GSK3B: variants seen among roughly 807,000 people sequenced by gnomAD.
The protein encoded by GSK3B is glycogen synthase kinase 3 beta, also known as glycogen synthase kinase-3 beta.
In GSK3B, 15 loss-of-function variants were observed where a neutral mutation model predicts 56.4. That is an observed-to-expected ratio of 0.27 (90% CI 0.18 to 0.41). GSK3B has a LOEUF of 0.41. Among genes scored for constraint, GSK3B ranks in the 10% least tolerant of loss-of-function variants. The pLI, the probability that GSK3B is intolerant of heterozygous loss-of-function variation, is 1.00. For missense variants in GSK3B, 300 were observed against 513.4 expected (o/e 0.58, Z 4.02); for synonymous variants, 181 against 188.9 (o/e 0.96, Z 0.34).
intron 6 of GSK3B, among the ~76,000 whole-genome samples, chr3:119,906,258 T>C (rs1022192848): frequency 5.9e-5 from 9 of 152,172 alleles, no homozygotes; most frequent in African/African-American, 2.2e-4. Context: ...GTTCAATCTC[T>C]CCCAGACACT....
chr3:120,092,109 T>C (rs929374149), intron 1 of GSK3B, among the ~76,000 whole-genome samples: 2 of 152,200 alleles, frequency 1.3e-5, no homozygotes, highest in Non-Finnish European at 1.5e-5. Flanking sequence ...AAGGAAACAA[T>C]ATAGATATTT....
At chr3:120,001,155 A>T (rs1339735049) in intron 2 of GSK3B, among the ~76,000 whole-genome samples, 3 of 18,610 alleles carry the variant, frequency 1.6e-4, no homozygotes, top group African/African-American at 7.2e-4. Flanking sequence ...AAGGGGGTCA[A>T]CCACTCATGA....
rs1329115002 is a variant in GSK3B, at chr3:120,094,347, T to C, written c.-913A>G. 7 of 284,892 alleles carry C rather than the reference T, an allele frequency of 2.5e-5. No individual in the cohort carries two copies. In the East Asian group the frequency reaches 4.1e-4, roughly 17 times the overall value. 17.6% of individuals were successfully genotyped at this position (284,892 alleles called of 1,614,324 possible). A position where few individuals can be genotyped will look rare whatever the true frequency, so the allele number is the denominator to read the frequency against. On this transcript the variant is annotated 5_prime_UTR_variant, in exon 1 of 11. Transcript: ENST00000264235. ...CCCTGTCAGCGGCTGCGGGGCCGGC[T>C]CCTCCTCGCTTCCTTCCTTCCTTTG...
intron 1 of GSK3B, among the ~76,000 whole-genome samples, chr3:120,017,382 G>T (rs538823050): frequency 6.6e-6 from 1 of 152,200 alleles, no homozygotes; most frequent in Admixed American, 6.5e-5. Context: ...CCAGATCAGT[G>T]CTCTAAATAT....
At chr3:120,003,774 C>T (rs909904653) in intron 1 of GSK3B, among the ~76,000 whole-genome samples, 6 of 152,186 alleles carry the variant, frequency 3.9e-5, no homozygotes, top group South Asian at 2.1e-4. Flanking sequence ...CATTCATGGT[C>T]GCTTCCAAGA....
In GSK3B at chr3:120,094,355, G is replaced by A; in HGVS notation, c.-921C>T. On this transcript the variant is annotated 5_prime_UTR_variant, in exon 1 of 11. Transcript: ENST00000264235. ...GCGGCTGCGGGGCCGGCTCCTCCTC[G>A]CTTCCTTCCTTCCTTTGTCACTTGG... is the stretch of plus-strand genomic sequence containing the variant. 2 of 296,796 alleles carry A rather than the reference G, an allele frequency of 6.7e-6. No homozygotes were observed. The highest frequency in any genetic ancestry group is 5.0e-5 in the South Asian group (1 of 19,890). The allele number at this position is 296,796 out of a possible 1,614,324, so 18.4% of individuals were successfully genotyped here. A position where few individuals can be genotyped will look rare whatever the true frequency, so the allele number is the denominator to read the frequency against.
chr3:119,934,074 A>G (rs1338002057), intron 3 of GSK3B, among the ~76,000 whole-genome samples: 1 of 152,206 alleles, frequency 6.6e-6, no homozygotes, highest in Non-Finnish European at 1.5e-5. Context: ...CGCAAAATAA[A>G]TTGAAATAAT....
At chr3:119,872,056 G>C (rs1199199640) in intron 8 of GSK3B, among the ~76,000 whole-genome samples, 1 of 152,124 alleles carries the variant, frequency 6.6e-6, no homozygotes, top group East Asian at 1.9e-4. Flanking sequence ...CAAGGTAGCA[G>C]GATCAGGCAC....
chr3:119,977,309 A>G (rs1051391252), intron 2 of GSK3B, among the ~76,000 whole-genome samples: 1 of 152,172 alleles, frequency 6.6e-6, no homozygotes, highest in African/African-American at 2.4e-5. Flanking sequence ...TGCAAGGAAC[A>G]TCATTATCAA....
At chr3:119,914,345 A>G (rs2056762150) in intron 5 of GSK3B, among the ~76,000 whole-genome samples, 1 of 152,120 alleles carries the variant, frequency 6.6e-6, no homozygotes, top group Non-Finnish European at 1.5e-5. Context: ...TATAAAAATG[A>G]GCTATCAAAC....
chr3:119,981,553 GGC>G (rs1246596614), intron 2 of GSK3B, among the ~76,000 whole-genome samples: 2 of 152,274 alleles, frequency 1.3e-5, no homozygotes, highest in Non-Finnish European at 2.9e-5. Flanking sequence ...TCCCGTGCCT[GGC>G]TCGGCGGGTC....
intron 7 of GSK3B, among the ~76,000 whole-genome samples, chr3:119,904,738 G>T (rs564815162): frequency 2.0e-4 from 30 of 152,194 alleles, no homozygotes; most frequent in South Asian, 6.2e-4. Context: ...TGCTGGAAGT[G>T]TTCAAGAAAA....
At chr3:119,954,651 A>G (rs1231523065) in intron 2 of GSK3B, among the ~76,000 whole-genome samples, 1 of 152,212 alleles carries the variant, frequency 6.6e-6, no homozygotes, top group East Asian at 1.9e-4. Flanking sequence ...CAGTATTTAA[A>G]AAGTCTAAAT....
intron 2 of GSK3B, among the ~76,000 whole-genome samples, chr3:119,954,421 TG>T (rs1242742454): frequency 9.8e-6 from 1 of 102,514 alleles, no homozygotes; most frequent in East Asian, 3.0e-4. Context: ...TCATGAAACT[TG>T]TTAATTATTT....
At chr3:119,905,928 T>C (rs72546702) in intron 6 of GSK3B, 76 bp from the exon 7 acceptor site, 127 of 841,668 alleles carry the variant, frequency 1.5e-4, no homozygotes, top group Non-Finnish European at 2.3e-4. Flanking sequence ...CGTTTTCTAA[T>C]TTTACTTTGA....
At chr3:119,972,724 C>T (rs138740114) in intron 2 of GSK3B, among the ~76,000 whole-genome samples, 239 of 152,156 alleles carry the variant, frequency 1.6e-3, no homozygotes, top group African/African-American at 5.2e-3. Flanking sequence ...TGTGAGCCAC[C>T]GCGCCCACCT....
chr3:120,074,330 A>G (rs1361746136), intron 1 of GSK3B, among the ~76,000 whole-genome samples: 1 of 150,356 alleles, frequency 6.7e-6, no homozygotes, highest in Non-Finnish European at 1.5e-5. Context: ...GAAAGAAAAG[A>G]AATAAGAAGG....
At chr3:119,980,641 A>G (rs1384429219) in intron 2 of GSK3B, among the ~76,000 whole-genome samples, 1 of 152,214 alleles carries the variant, frequency 6.6e-6, no homozygotes, top group Non-Finnish European at 1.5e-5. Context: ...GGCGTGAGAC[A>G]CCGCACCCAG....
At chr3:119,948,458 T>C (rs2057122420) in intron 2 of GSK3B, among the ~76,000 whole-genome samples, 1 of 152,222 alleles carries the variant, frequency 6.6e-6, no homozygotes, top group Non-Finnish European at 1.5e-5. Context: ...TAAAATCCTT[T>C]TATAAGATAT....
Sources: gnomAD v4.1 joint callset for allele counts (sites outside exome capture counted in the v4.1 genomes callset) on GRCh38, gnomAD v4.1.1 for gene constraint, MANE v1.5 for transcripts, NCBI Gene and HGNC (gene_info 2026-07-23, HGNC 2026-07-21) for gene names.